FLI1: variants seen among roughly 807,000 people sequenced by gnomAD.
The protein encoded by FLI1 is Friend leukemia integration 1 transcription factor.
A neutral mutation model predicts 53.1 loss-of-function variants in FLI1; 13 were observed. The ratio of observed to expected loss-of-function variants is 0.24; its 90% CI spans 0.16 to 0.39. The LOEUF (loss-of-function observed/expected upper bound fraction) is 0.39, where lower values mean the gene tolerates loss of function less well. Among genes scored for constraint, FLI1 ranks in the 10% least tolerant of loss-of-function variants. The probability of loss-of-function intolerance (pLI) is 1.00; values close to 1 mark genes in which losing one functional copy is unlikely to be tolerated. For synonymous variants in FLI1, 244 were observed against 236.7 expected, an observed-to-expected ratio of 1.03 and a Z score of -0.28; for missense variants, 424 against 600.5, an observed-to-expected ratio of 0.71 and a Z score of 3.07.
Position 128,811,586 on chromosome 11 carries a change from A to C in FLI1, c.*598A>C. ...CATTGCAGAATCCCTCTCAGTGGAC[A>C]GTATGCACTCAGCTGACCACTCTCT... On this transcript the variant is annotated 3_prime_UTR_variant, in exon 9 of 9. Coordinates refer to ENST00000527786, the MANE Select transcript of FLI1 (RefSeq NM_002017.5). 1 of 220,968 alleles carries C rather than the reference A, an allele frequency of 4.5e-6. No individual in the cohort carries two copies. Among genetic ancestry groups the C allele is most frequent in the East Asian group, 6.7e-5 (1 of 14,818 alleles). The allele number at this position is 220,968 out of a possible 1,614,324, so 13.7% of individuals were successfully genotyped here.
chr11:128,741,529 A>G (rs1008005226), intron 1 of FLI1, among the ~76,000 whole-genome samples: 13 of 152,238 alleles, frequency 8.5e-5, no homozygotes, highest in African/African-American at 2.4e-4. Flanking sequence ...AGAGGACTCC[A>G]GATCTAATGG....
At chr11:128,807,500 G>A (rs1296504057) in intron 7 of FLI1, among the ~76,000 whole-genome samples, 1 of 152,202 alleles carries the variant, frequency 6.6e-6, no homozygotes, top group African/African-American at 2.4e-5. Context: ...AAGAAACTGA[G>A]GCCCGGGGAG....
At chr11:128,711,414 AT>A (rs1938779133) in intron 1 of FLI1, among the ~76,000 whole-genome samples, 1 of 152,238 alleles carries the variant, frequency 6.6e-6, no homozygotes. Flanking sequence ...CAGCATTATC[AT>A]GTTGGCCTGG....
At chr11:128,748,633 CA>C (rs927424811) in intron 1 of FLI1, among the ~76,000 whole-genome samples, 71 of 136,108 alleles carry the variant, frequency 5.2e-4, no homozygotes, top group Admixed American at 4.4e-4. Context: ...AACTCTGTCT[CA>C]AAAAAAAAAA....
chr11:128,764,954 C>A (rs753935128), intron 2 of FLI1: 2 of 985,400 alleles, frequency 2.0e-6, no homozygotes, highest in Non-Finnish European at 3.0e-6. Context: ...AGCCTGGGAC[C>A]GAGGACAGGG....
At chr11:128,802,324 G>A (rs890183474) in intron 5 of FLI1, among the ~76,000 whole-genome samples, 7 of 152,204 alleles carry the variant, frequency 4.6e-5, no homozygotes, top group African/African-American at 1.4e-4. Context: ...GAGTGCTTTT[G>A]TTAAACCCCA....
chr11:128,689,599 G>A (rs1937658024), upstream of FLI1, among the ~76,000 whole-genome samples: 1 of 152,210 alleles, frequency 6.6e-6, no homozygotes, highest in Admixed American at 6.5e-5. Flanking sequence ...TCAAGACCAC[G>A]GATCTGTTCT....
chr11:128,760,979 C>T (rs190123975), intron 2 of FLI1, among the ~76,000 whole-genome samples: 22 of 152,286 alleles, frequency 1.4e-4, no homozygotes, highest in African/African-American at 2.6e-4. Flanking sequence ...GTCTATTCTC[C>T]GGACAGCAAG....
intron 5 of FLI1, chr11:128,804,884 G>A (rs1942735156): frequency 6.6e-6 from 1 of 152,360 alleles, no homozygotes; most frequent in Non-Finnish European, 1.5e-5. Flanking sequence ...GCTGCTTGAA[G>A]GATTTTGCTA....
At chr11:128,745,916 G>A (rs1286839933) in intron 1 of FLI1, among the ~76,000 whole-genome samples, 1 of 152,198 alleles carries the variant, frequency 6.6e-6, no homozygotes, top group Admixed American at 6.5e-5. Context: ...ACTGCCACGT[G>A]AGGAAATTGT....
intron 4 of FLI1, among the ~76,000 whole-genome samples, chr11:128,777,460 T>C (rs1196176785): frequency 1.3e-5 from 2 of 152,178 alleles, no homozygotes; most frequent in Non-Finnish European, 2.9e-5. Flanking sequence ...ATTTAAACTT[T>C]AATGGAAAAC....
chr11:128,736,294 C>T (rs1443504653), intron 1 of FLI1, among the ~76,000 whole-genome samples: 3 of 152,136 alleles, frequency 2.0e-5, no homozygotes, highest in African/African-American at 4.8e-5. Flanking sequence ...ATAATTCTCA[C>T]ATTTTGGAAT....
At chr11:128,775,555 T>C (rs1485726230) in intron 4 of FLI1, among the ~76,000 whole-genome samples, 1 of 152,198 alleles carries the variant, frequency 6.6e-6, no homozygotes, top group Non-Finnish European at 1.5e-5. Flanking sequence ...CAGGAGGCCA[T>C]GGGCTGGCGA....
chr11:128,792,926 T>A (rs1176551991), intron 5 of FLI1, among the ~76,000 whole-genome samples: 1 of 152,038 alleles, frequency 6.6e-6, no homozygotes, highest in South Asian at 2.1e-4. Flanking sequence ...AGATCAGCCC[T>A]GGCAACACAA....
rs142350198 is a variant in FLI1 at position 128,812,347 on chromosome 11, T to C, written c.*1359T>C. ...TTGACTTTTTTAACTATATTAAGTG[T>C]TAAGCTGACAACTGTCAAAGAAGAC... On this transcript the variant is annotated 3_prime_UTR_variant, in exon 9 of 9. Transcript: ENST00000527786. The C allele has an allele frequency of 2.8e-4, 63 of 221,078 alleles. No individual in the cohort carries two copies. In the East Asian group the frequency reaches 4.1e-3, roughly 14 times the overall value. The allele number at this position is 221,078 out of a possible 1,614,324, so 13.7% of individuals were successfully genotyped here. A position where few individuals can be genotyped will look rare whatever the true frequency, so the allele number is the denominator to read the frequency against.
intron 2 of FLI1, among the ~76,000 whole-genome samples, chr11:128,767,279 A>C (rs181609390): frequency 2.6e-5 from 4 of 152,300 alleles, no homozygotes; most frequent in African/African-American, 9.6e-5. Context: ...GGGGCCAGGG[A>C]TGCAAAATGC....
At chr11:128,793,393 T>A (rs1405177543) in intron 5 of FLI1, among the ~76,000 whole-genome samples, 2 of 151,946 alleles carry the variant, frequency 1.3e-5, no homozygotes, top group Non-Finnish European at 1.5e-5. Context: ...GTGCCCTTGG[T>A]AGATGAAGGA....
At chr11:128,753,221 T>C (rs1454290396) in intron 1 of FLI1, among the ~76,000 whole-genome samples, 2 of 152,166 alleles carry the variant, frequency 1.3e-5, no homozygotes, top group Non-Finnish European at 2.9e-5. Flanking sequence ...GCCCAGGGGT[T>C]CCTTTTACAG....
At position 128,789,533 on chromosome 11, in the gene FLI1, C is replaced by T. The variant is rs536541251; in HGVS notation, c.655+7510C>T. Reference sequence around the variant, plus strand: ...ACTTGTATATATCTTAGAAATTCTCCGTAACTCAAAAAATGCCTCAAGATA... The same window carrying T: ...ACTTGTATATATCTTAGAAATTCTCTGTAACTCAAAAAATGCCTCAAGATA... On this transcript the variant is annotated intron_variant, in intron 5 of 8. Coordinates refer to ENST00000527786, the MANE Select transcript of FLI1 (RefSeq NM_002017.5). Among the ~76,000 whole-genome samples the T allele has an allele frequency of 7.9e-5, 12 of 152,284 alleles. No homozygotes were observed. In the East Asian group the frequency reaches 1.7e-3, roughly 22 times the overall value.
Sources: allele counts gnomAD v4.1 joint callset (sites outside exome capture counted in the v4.1 genomes callset), GRCh38; gene constraint gnomAD v4.1.1; transcripts MANE v1.5; gene names NCBI Gene and HGNC (gene_info 2026-07-23, HGNC 2026-07-21).